ARL15: variants seen among roughly 807,000 people sequenced by gnomAD.
ARL15 encodes the protein ADP-ribosylation factor-like protein 15.
Under a neutral mutation model 25.2 loss-of-function variants are expected in ARL15, and 19 were observed. The ratio of observed to expected loss-of-function variants is 0.75; its 90% CI spans 0.53 to 1.10. The LOEUF (loss-of-function observed/expected upper bound fraction) is 1.10. Ranked by LOEUF, ARL15 falls within the 50% of genes least tolerant of loss-of-function variation. The probability of loss-of-function intolerance (pLI) is 0.00; values close to 1 mark genes in which losing one functional copy is unlikely to be tolerated. For missense variants in ARL15, 220 were observed against 246.0 expected (o/e 0.89, Z 0.71); for synonymous variants, 94 against 86.8 (o/e 1.08, Z -0.46).
At chr5:54,303,998 A>G (rs1196182818) in intron 1 of ARL15, among the ~76,000 whole-genome samples, 1 of 152,178 alleles carries the variant, frequency 6.6e-6, no homozygotes, top group African/African-American at 2.4e-5. Context: ...CCTTCTCTGT[A>G]ACAATCACCT....
chr5:54,052,518 T>G (rs1750731783), intron 4 of ARL15, among the ~76,000 whole-genome samples: 1 of 152,130 alleles, frequency 6.6e-6, no homozygotes, highest in Admixed American at 6.5e-5. Flanking sequence ...CCATTATATA[T>G]GTATACTAAA....
At chr5:54,209,880 A>C (rs2112504163) in intron 1 of ARL15, among the ~76,000 whole-genome samples, 1 of 152,300 alleles carries the variant, frequency 6.6e-6, no homozygotes, top group East Asian at 1.9e-4. Flanking sequence ...TCAAAGAAGT[A>C]AGAAAGCTAT....
Position 54,310,569 on chromosome 5 carries a change from G to C in ARL15, c.-90C>G, listed in dbSNP as rs986730701. ...GAGCGAGCAGCTCCTGAAAAAGCCA[G>C]CAACAGCGAAAATAGCCGAAAGCAG... On this transcript the variant is annotated 5_prime_UTR_variant, in exon 1 of 5. Transcript: ENST00000504924. 1.7e-5 allele frequency: 25 copies of C among 1,432,472 alleles called. No individual in the cohort carries two copies. The highest frequency in any genetic ancestry group is 2.3e-5 in the Non-Finnish European group (24 of 1,051,208). The allele number at this position is 1,432,472 out of a possible 1,614,324, so 88.7% of individuals were successfully genotyped here. A position where few individuals can be genotyped will look rare whatever the true frequency, so the allele number is the denominator to read the frequency against.
chr5:53,909,653 C>T (rs1381163678), intron 4 of ARL15, among the ~76,000 whole-genome samples: 1 of 152,116 alleles, frequency 6.6e-6, no homozygotes, highest in Non-Finnish European at 1.5e-5. Context: ...CTGTGGTGAG[C>T]CAAAATCACG....
intron 4 of ARL15, among the ~76,000 whole-genome samples, chr5:53,969,236 T>C (rs1302947825): frequency 1.3e-5 from 2 of 152,212 alleles, no homozygotes; most frequent in East Asian, 3.9e-4. Context: ...ATAATAGGCA[T>C]GCTTTGTCCA....
chr5:54,048,795 G>GAA (rs543949208), intron 4 of ARL15, among the ~76,000 whole-genome samples: 5,810 of 139,594 alleles, frequency 0.042, 387 homozygotes, highest in African/African-American at 0.14. Context: ...TATGCTATAG[G>GAA]AAAAAAAAAA....
chr5:54,003,446 T>C (rs888235226), intron 4 of ARL15, among the ~76,000 whole-genome samples: 2 of 152,208 alleles, frequency 1.3e-5, no homozygotes, highest in East Asian at 1.9e-4. Context: ...ATAGGAGTTA[T>C]GAAAAGTACA....
At chr5:54,122,206 A>G (rs929333428) in intron 3 of ARL15, among the ~76,000 whole-genome samples, 1 of 152,208 alleles carries the variant, frequency 6.6e-6, no homozygotes, top group Non-Finnish European at 1.5e-5. Context: ...TATAATCTCC[A>G]GTTTCTTCCT....
intron 4 of ARL15, among the ~76,000 whole-genome samples, chr5:53,919,810 G>GT (rs2112012258): frequency 1.3e-5 from 2 of 152,316 alleles, no homozygotes; most frequent in African/African-American, 4.8e-5. Flanking sequence ...TGACATTGGT[G>GT]TTTGAGTTGT....
intron 1 of ARL15, among the ~76,000 whole-genome samples, chr5:54,271,905 CATTTATTTATTTATTTATTTATTT>C (rs34653736): frequency 6.8e-6 from 1 of 146,298 alleles, no homozygotes; most frequent in African/African-American, 2.5e-5. Context: ...CTGTGCTTAA[CATTTATTTATTTATTTATTTATTT>C]ATTTATTTAT....
At chr5:54,096,655 T>C (rs2112163354) in intron 4 of ARL15, among the ~76,000 whole-genome samples, 1 of 152,284 alleles carries the variant, frequency 6.6e-6, no homozygotes, top group East Asian at 1.9e-4. Flanking sequence ...AAGTGATTCA[T>C]CCACCTTGGC....
At chr5:54,292,209 G>A (rs1381410874) in intron 1 of ARL15, among the ~76,000 whole-genome samples, 1 of 152,114 alleles carries the variant, frequency 6.6e-6, no homozygotes, top group East Asian at 1.9e-4. Flanking sequence ...TGGCTGCCAA[G>A]TGGCAGGAGC....
intron 1 of ARL15, among the ~76,000 whole-genome samples, chr5:54,216,285 G>A (rs1756203714): frequency 6.6e-6 from 1 of 152,056 alleles, no homozygotes; most frequent in African/African-American, 2.4e-5. Context: ...AAATCATAGA[G>A]GCAGTGGTTT....
At chr5:54,034,062 C>A (rs1750093080) in intron 4 of ARL15, among the ~76,000 whole-genome samples, 1 of 152,222 alleles carries the variant, frequency 6.6e-6, no homozygotes, top group Admixed American at 6.5e-5. Context: ...ATCCGCTTGC[C>A]TTGGCCTCCC....
rs151118351 is a variant in ARL15, at chr5:53,956,047, T to G, written c.463-69334A>C. Among the ~76,000 whole-genome samples, 843 of 152,144 alleles carry G rather than the reference T, an allele frequency of 5.5e-3. 6 individuals are homozygous for G. Among genetic ancestry groups the G allele is most frequent in the African/African-American group, 0.019 (801 of 41,528 alleles). Reference sequence around the variant, plus strand: ...GGCATTCAAAAGTGTCTATATATACTAGAGAATTTACAAAGTCATGCACAT... The same window carrying G: ...GGCATTCAAAAGTGTCTATATATACGAGAGAATTTACAAAGTCATGCACAT... On this transcript the variant is annotated intron_variant, in intron 4 of 4. Coordinates refer to ENST00000504924, the MANE Select transcript of ARL15 (RefSeq NM_019087.3).
At chr5:54,195,809 T>G (rs2112468140) in intron 1 of ARL15, among the ~76,000 whole-genome samples, 2 of 152,244 alleles carry the variant, frequency 1.3e-5, no homozygotes, top group Middle Eastern at 6.8e-3. Context: ...TCCTGACAAC[T>G]ATGTATTAGT....
At chr5:53,888,924 T>C (rs1744628322) in intron 4 of ARL15, among the ~76,000 whole-genome samples, 4 of 152,034 alleles carry the variant, frequency 2.6e-5, no homozygotes, top group Admixed American at 1.3e-4. Context: ...ATCACTGAGC[T>C]CAGAAATTGG....
intron 1 of ARL15, among the ~76,000 whole-genome samples, chr5:54,228,349 T>C (rs1756578892): frequency 6.6e-6 from 1 of 152,144 alleles, no homozygotes; most frequent in South Asian, 2.1e-4. Flanking sequence ...GAACCAAAAT[T>C]GTAACTAAAT....
intron 1 of ARL15, among the ~76,000 whole-genome samples, chr5:54,181,694 G>A (rs1278323183): frequency 1.3e-5 from 2 of 152,164 alleles, no homozygotes; most frequent in Admixed American, 1.3e-4. Context: ...AGCACTTTAG[G>A]AGGTCAACGG....
Sources: allele counts gnomAD v4.1 joint callset (sites outside exome capture counted in the v4.1 genomes callset), GRCh38; gene constraint gnomAD v4.1.1; transcripts MANE v1.5; gene names NCBI Gene and HGNC (gene_info 2026-07-23, HGNC 2026-07-21).